The following PTPRG variants were observed in gnomAD, a reference collection of about 807,000 sequenced individuals.
The protein encoded by PTPRG is protein tyrosine phosphatase receptor type G.
Under a neutral mutation model 165.3 loss-of-function variants are expected in PTPRG, and 102 were observed. That is an observed-to-expected ratio of 0.62 (90% CI 0.53 to 0.73). The LOEUF is 0.73. Among genes scored for constraint, PTPRG ranks in the 30% least tolerant of loss-of-function variants. The pLI is 0.00. For missense variants in PTPRG, 1,866 were observed against 1,861.4 expected (o/e 1.00, Z -0.05); for synonymous variants, 675 against 669.5 (o/e 1.01, Z -0.13).
intron 4 of PTPRG, among the ~76,000 whole-genome samples, chr3:62,011,782 C>T (rs2041427881): frequency 6.6e-6 from 1 of 152,184 alleles, no homozygotes; most frequent in African/African-American, 2.4e-5. Flanking sequence ...TGAGGTAAAA[C>T]AGCTTTGGTC....
In PTPRG at chr3:62,093,754, G is replaced by T. The variant is rs116501000; in HGVS notation, c.615+15496G>T. Among the ~76,000 whole-genome samples the T allele has an allele frequency of 4.2e-3, 644 of 152,304 alleles. 4 individuals are homozygous for T. Among genetic ancestry groups the T allele is most frequent in the Non-Finnish European group, 6.1e-3 (418 of 68,028 alleles). On this transcript the variant is annotated intron_variant, in intron 5 of 29. Coordinates refer to ENST00000474889, the MANE Select transcript of PTPRG (RefSeq NM_002841.4). ...ATCATCCCCTCGGGCTGTTGCCTGG[G>T]AAGATAGCTCCAGAGGAAAGGGCTG...
chr3:62,199,484 C>A (rs537760675), intron 10 of PTPRG, among the ~76,000 whole-genome samples: 2 of 152,224 alleles, frequency 1.3e-5, no homozygotes, highest in Admixed American at 1.3e-4. Flanking sequence ...GGAAGGTGAG[C>A]CTAGTTTTGC....
In PTPRG at chr3:62,203,886, T is replaced by C. The variant is rs1422842312; in HGVS notation, c.2091T>C (p.Ser697=). The part of the protein sequence containing the change: ...GSDPKRPEMP[S]KKPMSRGDRF... ...ATCCCAAGAGGCCCGAAATGCCATC[T>C]AAAAAGCCTATGTCCCGCGGGGACC... The change falls in exon 12 of 30, where the codon TCT becomes TCC. Residue 697 remains serine, a synonymous_variant. Coordinates refer to ENST00000474889, the MANE Select transcript of PTPRG (RefSeq NM_002841.4). This position sits in a 1 kb window ranked among gnomAD's most constrained non-coding sequence, Gnocchi z 6.4. The C allele has an allele frequency of 6.2e-7, 1 of 1,613,008 alleles. No homozygotes were observed. The highest frequency in any genetic ancestry group is 8.5e-7 in the Non-Finnish European group (1 of 1,179,570).
At chr3:62,188,313 TG>T (rs1361616005) in intron 8 of PTPRG, among the ~76,000 whole-genome samples, 3 of 152,180 alleles carry the variant, frequency 2.0e-5, no homozygotes, top group Admixed American at 1.3e-4. Context: ...AGGTTGAAGC[TG>T]CAGTGAGCCA....
At chr3:62,292,634 A>G in intron 29 of PTPRG, 78 bp downstream of exon 29, 1 of 1,521,792 alleles carries the variant, frequency 6.6e-7, no homozygotes, top group Non-Finnish European at 8.9e-7. Context: ...AGTAGTTCTC[A>G]ATTGGGGGTG....
chr3:61,754,980 C>CCTT lies in PTPRG; in HGVS notation c.190+6011_190+6013dup, dbSNP rs748658747. On this transcript the variant is annotated intron_variant, in intron 2 of 29. Coordinates refer to ENST00000474889, the MANE Select transcript of PTPRG (RefSeq NM_002841.4). ...GACATTCTCTTCCTAATAGAGACCTCCTTCTTCTTCTTCTTTTTTTTTTTC... is the reference window on the plus strand; with the variant it reads ...GACATTCTCTTCCTAATAGAGACCTCCTTCTTCTTCTTCTTCTTTTTTTTTTTC... Among the ~76,000 whole-genome samples, 3 of 151,800 alleles carry CCTT rather than the reference C, an allele frequency of 2.0e-5. No homozygotes were observed. In the South Asian group the frequency reaches 6.3e-4, roughly 32 times the overall value.
chr3:62,071,718 A>T (rs1003519824), intron 4 of PTPRG, among the ~76,000 whole-genome samples: 2 of 152,200 alleles, frequency 1.3e-5, no homozygotes, highest in Non-Finnish European at 2.9e-5. Flanking sequence ...GAACTCTGAG[A>T]TTTGAAAGAC....
At chr3:61,600,766 C>G (rs1700842484) in intron 1 of PTPRG, among the ~76,000 whole-genome samples, 1 of 152,088 alleles carries the variant, frequency 6.6e-6, no homozygotes, top group Non-Finnish European at 1.5e-5. Flanking sequence ...GTCTCAAACT[C>G]CTAAGCTCAA....
intron 4 of PTPRG, among the ~76,000 whole-genome samples, chr3:62,020,332 A>C (rs561729657): frequency 4.1e-4 from 62 of 152,322 alleles, no homozygotes; most frequent in African/African-American, 1.4e-3. Flanking sequence ...AAGAAAAAAA[A>C]CCAGAACAAT....
chr3:61,733,515 G>A (rs567372795), intron 1 of PTPRG, among the ~76,000 whole-genome samples: 1 of 152,302 alleles, frequency 6.6e-6, no homozygotes, highest in Non-Finnish European at 1.5e-5. Context: ...CAGTTGAATA[G>A]ATCAGCACAG....
rs537940303 is a variant in PTPRG at position 61,834,527 on chromosome 3, A to T, written c.190+85545A>T. On this transcript the variant is annotated intron_variant, in intron 2 of 29. Coordinates refer to ENST00000474889, the MANE Select transcript of PTPRG (RefSeq NM_002841.4). ...CCTAGTGAGATCCTTTTTCTTAAAAACATAAGGCTTGCCACGGTGGCTCAT... is the reference window on the plus strand; with the variant it reads ...CCTAGTGAGATCCTTTTTCTTAAAATCATAAGGCTTGCCACGGTGGCTCAT... Among the ~76,000 whole-genome samples, 4 of 152,074 alleles carry T rather than the reference A, an allele frequency of 2.6e-5. No homozygotes were observed. The South Asian group carries it at 8.3e-4, about 32-fold the overall frequency.
intron 8 of PTPRG, among the ~76,000 whole-genome samples, chr3:62,179,063 A>G (rs191559529): frequency 1.6e-4 from 25 of 152,306 alleles, no homozygotes; most frequent in African/African-American, 5.8e-4. Context: ...CATCCCACTC[A>G]TTATTCCTCA....
At chr3:62,078,076 G>C (rs1358012842) in intron 4 of PTPRG, 87 bp from the exon 5 acceptor site, 1 of 837,876 alleles carries the variant, frequency 1.2e-6, no homozygotes, top group African/African-American at 1.8e-5. Context: ...TTAGCAACTG[G>C]GGAATATACA....
chr3:61,728,370 C>T (rs1472986935), intron 1 of PTPRG, among the ~76,000 whole-genome samples: 1 of 152,142 alleles, frequency 6.6e-6, no homozygotes, highest in Admixed American at 6.5e-5. Context: ...TCACTTGAGG[C>T]TAGGAGCTCA....
chr3:61,794,966 A>G (rs2107143714), intron 2 of PTPRG, among the ~76,000 whole-genome samples: 1 of 152,334 alleles, frequency 6.6e-6, no homozygotes, highest in South Asian at 2.1e-4. Context: ...TGTAGAGTCA[A>G]CTAGGAAAGT....
At chr3:61,630,412 T>C (rs1701741995) in intron 1 of PTPRG, among the ~76,000 whole-genome samples, 1 of 152,232 alleles carries the variant, frequency 6.6e-6, no homozygotes, top group Admixed American at 6.5e-5. Context: ...TCTTAGCGTT[T>C]AAAGCACTAA....
In PTPRG at chr3:61,956,289, C is replaced by G. The variant is rs543154394; in HGVS notation, c.191-33336C>G. On this transcript the variant is annotated intron_variant, in intron 2 of 29. Coordinates refer to ENST00000474889, the MANE Select transcript of PTPRG (RefSeq NM_002841.4). ...GCGTGCACGCTGTCTCTCTCTCTCT[C>G]TCTCTCACACACACACACACGCTTA... Among the ~76,000 whole-genome samples, 74 of 106,038 alleles carry G rather than the reference C, an allele frequency of 7.0e-4. 1 individual carries two copies. The highest frequency in any genetic ancestry group is 3.9e-3 in the East Asian group (13 of 3,348). The allele number at this position is 106,038 out of a possible 152,430, so 69.6% of individuals were successfully genotyped here. A position where few individuals can be genotyped will look rare whatever the true frequency, so the allele number is the denominator to read the frequency against.
chr3:61,759,911 G>T (rs1008372674), intron 2 of PTPRG, among the ~76,000 whole-genome samples: 6 of 151,886 alleles, frequency 4.0e-5, no homozygotes, highest in African/African-American at 1.5e-4. Context: ...ACTGACCTCA[G>T]TCTGCTGGGA....
chr3:61,747,639 A>AT (rs58063476), intron 1 of PTPRG, among the ~76,000 whole-genome samples: 2 of 151,852 alleles, frequency 1.3e-5, no homozygotes, highest in African/African-American at 2.4e-5. Context: ...AGGTTTCTTA[A>AT]TTTTTTTTAA....
Sources: allele counts gnomAD v4.1 joint callset (sites outside exome capture counted in the v4.1 genomes callset), GRCh38; gene constraint gnomAD v4.1.1; non-coding constraint Gnocchi (gnomAD v3.1); transcripts MANE v1.5; gene names NCBI Gene and HGNC (gene_info 2026-07-23, HGNC 2026-07-21).